The following ASAH2 variants were observed in gnomAD, a reference collection of about 807,000 sequenced individuals.
The protein encoded by ASAH2 is neutral ceramidase.
In ASAH2, 58 loss-of-function variants were observed where a neutral mutation model predicts 82.9. The ratio of observed to expected loss-of-function variants is 0.70; its 90% confidence interval spans 0.57 to 0.87. The LOEUF is 0.87. Ranked by LOEUF, ASAH2 falls within the 40% of genes least tolerant of loss-of-function variation. ASAH2 has a pLI of 0.00. For missense variants in ASAH2, 779 were observed against 834.0 expected, an observed-to-expected ratio of 0.93 and a Z score of 0.81; for synonymous variants, 276 against 289.7, an observed-to-expected ratio of 0.95 and a Z score of 0.48.
intron 18 of ASAH2, among the ~76,000 whole-genome samples, chr10:50,196,139 C>T (rs1214371944): frequency 8.8e-4 from 133 of 151,812 alleles, no homozygotes; most frequent in Admixed American, 5.2e-3. Flanking sequence ...TTCAAAACAT[C>T]ATCTTGTACA....
chr10:50,201,911 C>T (rs1405260201), intron 16 of ASAH2, among the ~76,000 whole-genome samples: 4 of 152,068 alleles, frequency 2.6e-5, no homozygotes, highest in Admixed American at 2.6e-4. Flanking sequence ...CCTGCAATCA[C>T]TGTATGTGAT....
chr10:50,242,787 C>T (rs750668759), intron 4 of ASAH2, among the ~76,000 whole-genome samples: 1 of 152,178 alleles, frequency 6.6e-6, no homozygotes, highest in Non-Finnish European at 1.5e-5. Context: ...TTCAATGTTG[C>T]GTTTTAATTC....
chr10:50,193,353 G>C (rs1417909699), intron 18 of ASAH2, among the ~76,000 whole-genome samples: 11 of 151,438 alleles, frequency 7.3e-5, no homozygotes, highest in African/African-American at 1.4e-4. Flanking sequence ...TGAGGATATG[G>C]AGCTGGGTGT....
Position 50,211,021 on chromosome 10 carries a change from A to G in ASAH2, c.1332+9T>C, listed in dbSNP as rs1845441249. 6.2e-7 allele frequency: 1 copy of G among 1,611,834 alleles called. No homozygotes were observed. The highest frequency in any genetic ancestry group is 2.2e-5 in the East Asian group (1 of 44,866). ...TGGGGCATAACCAGTGTGTCTCAGC[A>G]GCACTTACTGCATGTGTGGAATTGA... On this transcript the variant is annotated intron_variant, in intron 11 of 20. Coordinates refer to ENST00000682911, the MANE Select transcript of ASAH2 (RefSeq NM_019893.4).
At chr10:50,248,711 T>C (rs1846538633) in intron 1 of ASAH2, 65 bp from the exon 2 acceptor site, 1 of 1,211,192 alleles carries the variant, frequency 8.3e-7, no homozygotes, top group African/African-American at 1.5e-5. Flanking sequence ...TAAGATATCT[T>C]AGCTCTTTCA....
At chr10:50,245,127 A>C (rs1846412783) in intron 3 of ASAH2, 95 bp downstream of exon 3, 2 of 1,062,254 alleles carry the variant, frequency 1.9e-6, no homozygotes, top group Admixed American at 4.0e-5. Context: ...AAAGAAGATA[A>C]TGATGATGTT....
chr10:50,212,661 TG>T (rs1315223791), intron 10 of ASAH2, among the ~76,000 whole-genome samples: 2 of 152,168 alleles, frequency 1.3e-5, no homozygotes, highest in African/African-American at 4.8e-5. Flanking sequence ...CACAAGAAAT[TG>T]AAAATCTTAT....
At chr10:50,217,328 A>G (rs1589336841) in intron 8 of ASAH2, among the ~76,000 whole-genome samples, 1 of 151,704 alleles carries the variant, frequency 6.6e-6, no homozygotes, top group Non-Finnish European at 1.5e-5. Context: ...CCTGGGGTCA[A>G]GCAATTCTCC....
chr10:50,244,917 G>GT (rs1359615544), intron 3 of ASAH2, among the ~76,000 whole-genome samples: 2 of 149,900 alleles, frequency 1.3e-5, no homozygotes, highest in African/African-American at 2.5e-5. Context: ...CATTTCTTAT[G>GT]TTACACTGGC....
In ASAH2 at chr10:50,187,072, A is replaced by G. The variant is rs1344573131; in HGVS notation, c.*243T>C. The G allele has an allele frequency of 9.0e-6, 4 of 442,810 alleles. No homozygotes were observed. The highest frequency in any genetic ancestry group is 4.8e-5 in the South Asian group (2 of 42,050). 27.4% of individuals were successfully genotyped at this position (442,810 alleles called of 1,614,324 possible). A position where few individuals can be genotyped will look rare whatever the true frequency, so the allele number is the denominator to read the frequency against. ...AGATATATGGCTGCTGGAGCAAGAT[A>G]TATGGGACAAACCTCTCTCTCTCTC... is the stretch of plus-strand genomic sequence containing the variant. On this transcript the variant is annotated 3_prime_UTR_variant, in exon 21 of 21. Coordinates refer to ENST00000682911, the MANE Select transcript of ASAH2 (RefSeq NM_019893.4).
rs905733904 is a variant in ASAH2, at chr10:50,204,321, C to T, written c.1625+540G>A. On this transcript the variant is annotated intron_variant, in intron 14 of 20. Transcript: ENST00000682911. ...TATTTCAAAAATCTGTGTAAAAGAT[C>T]GTGGTAACTTAGACCAGGAAGGGAA... Among the ~76,000 whole-genome samples the T allele has an allele frequency of 7.5e-3, 1,141 of 151,892 alleles. 14 individuals are homozygous for T. The highest frequency in any genetic ancestry group is 0.026 in the African/African-American group (1,091 of 41,486).
rs1326091730 is a variant in ASAH2 at position 50,187,325 on chromosome 10, A to G, written c.2333T>C (p.Val778Ala). 3.6e-6 allele frequency: 1 copy of G among 279,738 alleles called. No individual in the cohort carries two copies. Among genetic ancestry groups the G allele is most frequent in the Non-Finnish European group, 6.6e-6 (1 of 151,914 alleles). 17.3% of individuals were successfully genotyped at this position (279,738 alleles called of 1,614,324 possible). A position where few individuals can be genotyped will look rare whatever the true frequency, so the allele number is the denominator to read the frequency against. ...TCTATCAACTTTTCACTAAATAGTTACAACTTCAAAAGCCGGGGAAGTGCC... is the reference window on the plus strand; with the variant it reads ...TCTATCAACTTTTCACTAAATAGTTGCAACTTCAAAAGCCGGGGAAGTGCC... ...FEGTSPAFEV[V>A]TI The change falls in exon 21 of 21, where the codon GTA (valine) becomes GCA (alanine). Residue 778 changes from valine to alanine, a missense_variant. Around this residue, in one of 3 missense-constraint regions of ASAH2, gnomAD observed 14 missense variants for 16.2 expected, o/e 0.87. Transcript: ENST00000682911.
At chr10:50,228,767 A>G (rs1845953566) in intron 7 of ASAH2, among the ~76,000 whole-genome samples, 1 of 151,844 alleles carries the variant, frequency 6.6e-6, no homozygotes, top group South Asian at 2.1e-4. Context: ...AAGAGAAAAG[A>G]GGGGAGGAAG....
chr10:50,229,278 A>C (rs1845969474), intron 7 of ASAH2, among the ~76,000 whole-genome samples: 1 of 152,156 alleles, frequency 6.6e-6, no homozygotes, highest in Admixed American at 6.6e-5. Context: ...CTTATATTTT[A>C]ATTCACAATT....
At chr10:50,225,813 G>A (rs918715050) in intron 7 of ASAH2, among the ~76,000 whole-genome samples, 4 of 152,134 alleles carry the variant, frequency 2.6e-5, no homozygotes, top group Non-Finnish European at 5.9e-5. Context: ...ATCATAGGCC[G>A]GATGTGGTGG....
intron 8 of ASAH2, among the ~76,000 whole-genome samples, 185 bp from the exon 9 acceptor site, chr10:50,215,053 A>G (rs892769769): frequency 1.3e-5 from 2 of 152,248 alleles, no homozygotes; most frequent in African/African-American, 4.8e-5. Context: ...TTTGCTGTGC[A>G]GAAGCTCTTT....
At chr10:50,237,281 C>A (rs1846185451) in intron 4 of ASAH2, among the ~76,000 whole-genome samples, 1 of 152,284 alleles carries the variant, frequency 6.6e-6, no homozygotes, top group East Asian at 1.9e-4. Flanking sequence ...CCTAATAATC[C>A]TGTGGAGAAG....
At chr10:50,239,828 A>T (rs911213068) in intron 4 of ASAH2, among the ~76,000 whole-genome samples, 3 of 120,646 alleles carry the variant, frequency 2.5e-5, no homozygotes, top group Non-Finnish European at 3.4e-5. Flanking sequence ...CTCACATTTA[A>T]TTTTTTTTTT....
At chr10:50,202,537 G>A (rs1306545901) in intron 16 of ASAH2, among the ~76,000 whole-genome samples, 2 of 152,080 alleles carry the variant, frequency 1.3e-5, no homozygotes, top group African/African-American at 2.4e-5. Context: ...TAAGAATAGT[G>A]TTAGAAATGT....
Sources: allele counts gnomAD v4.1 joint callset (sites outside exome capture counted in the v4.1 genomes callset), GRCh38; gene constraint gnomAD v4.1.1; regional missense constraint gnomAD v4.1.1; transcripts MANE v1.5; gene names NCBI Gene and HGNC (gene_info 2026-07-23, HGNC 2026-07-21).